The following NEMP2 variants were observed in gnomAD, a reference collection of about 807,000 sequenced individuals.
The protein encoded by NEMP2 is UPF0571 transmembrane protein.
A neutral mutation model predicts 54.2 loss-of-function variants in NEMP2; 53 were observed. The observed-to-expected ratio is 0.98, with a 90% CI of 0.78 to 1.23. NEMP2 has a LOEUF of 1.23. Ranked by LOEUF, NEMP2 falls within the 50% of genes most tolerant of loss-of-function variation. The probability of loss-of-function intolerance (pLI) is 0.00; values close to 1 mark genes in which losing one functional copy is unlikely to be tolerated. For missense variants in NEMP2, 455 were observed against 511.3 expected (o/e 0.89, Z 1.06); for synonymous variants, 197 against 190.3 (o/e 1.04, Z -0.29).
chr2:190,437,580 T>C, the NEMP2 span: 25 of 1,600,186 alleles, frequency 1.6e-5, no homozygotes, highest in African/African-American at 2.7e-5. This position sits in a 1 kb window ranked among gnomAD's most constrained non-coding sequence, Gnocchi z 5.9. Context: ...ATGCTTACGA[T>C]TGCTGCCCCT....
upstream of NEMP2, chr2:190,536,096 C>A (rs1691367792): frequency 6.6e-6 from 1 of 152,156 alleles, no homozygotes; most frequent in African/African-American, 2.4e-5. Flanking sequence ...ATCACAGATC[C>A]TTAGTAAATA....
chr2:190,434,213 G>T, the NEMP2 span, among the ~76,000 whole-genome samples: 2 of 150,210 alleles, frequency 1.3e-5, no homozygotes, highest in East Asian at 3.9e-4. This position sits in a 1 kb window ranked among gnomAD's most constrained non-coding sequence, Gnocchi z 4.3. Flanking sequence ...AAGAAAAGAA[G>T]GTGAAAGGAA....
At chr2:190,549,220 C>T in the NEMP2 span, among the ~76,000 whole-genome samples, 1 of 152,192 alleles carries the variant, frequency 6.6e-6, no homozygotes, top group African/African-American at 2.4e-5. Flanking sequence ...TGGGTTTTAT[C>T]CCTTTCAGTG....
At chr2:190,545,085 A>G in the NEMP2 span, among the ~76,000 whole-genome samples, 1 of 152,184 alleles carries the variant, frequency 6.6e-6, no homozygotes, top group Non-Finnish European at 1.5e-5. Flanking sequence ...TGGGCAACAA[A>G]TCAAGACCCT....
chr2:190,461,303 A>G, the NEMP2 span, among the ~76,000 whole-genome samples: 1 of 152,194 alleles, frequency 6.6e-6, no homozygotes, highest in East Asian at 1.9e-4. This position sits in a 1 kb window ranked among gnomAD's most constrained non-coding sequence, Gnocchi z 5.5. Context: ...ATGCACTTGG[A>G]AAAACATTCA....
the NEMP2 span, among the ~76,000 whole-genome samples, chr2:190,645,658 A>G: frequency 6.6e-6 from 1 of 152,276 alleles, no homozygotes. Flanking sequence ...AATATACAGC[A>G]GTGAATAAAA....
chr2:190,427,886 C>T, the NEMP2 span, among the ~76,000 whole-genome samples: 1 of 152,154 alleles, frequency 6.6e-6, no homozygotes, highest in Non-Finnish European at 1.5e-5. Context: ...TGCCTGCCAC[C>T]ATGCCCAGCT....
chr2:190,436,606 C>T, the NEMP2 span: 1 of 1,614,088 alleles, frequency 6.2e-7, no homozygotes, highest in Non-Finnish European at 8.5e-7. This position sits in a 1 kb window ranked among gnomAD's most constrained non-coding sequence, Gnocchi z 5.3. Flanking sequence ...CACCATATCA[C>T]CAAAAATGCG....
the NEMP2 span, among the ~76,000 whole-genome samples, chr2:190,603,311 A>C: frequency 6.6e-6 from 1 of 152,106 alleles, no homozygotes; most frequent in Non-Finnish European, 1.5e-5. Flanking sequence ...GATGCTTCTT[A>C]TTTAAAATTA....
rs1690726953 is a variant in NEMP2, at chr2:190,520,756, T to G, written c.214-1573A>C. 6.6e-6 allele frequency among the ~76,000 whole-genome samples: 1 copy of G among 152,176 alleles called. No homozygotes were observed. The highest frequency in any genetic ancestry group is 1.5e-5 in the Non-Finnish European group (1 of 68,024). On this transcript the variant is annotated intron_variant, in intron 2 of 8. Coordinates refer to ENST00000409150, the MANE Select transcript of NEMP2 (RefSeq NM_001142645.2). This position sits in a 1 kb window ranked among gnomAD's most constrained non-coding sequence, Gnocchi z 5.4. ...ATCCTGGACCTTGTCAGTACCAGAC[T>G]GCAGCCCCTCCATACATTGTGTTTC...
Position 190,534,679 on chromosome 2 carries a change from G to C in NEMP2, c.-24C>G. The C allele has an allele frequency of 1.6e-6, 2 of 1,256,362 alleles. No individual in the cohort carries two copies. The highest frequency in any genetic ancestry group is 3.0e-5 in the South Asian group (1 of 33,036). 77.8% of individuals were successfully genotyped at this position (1,256,362 alleles called of 1,614,324 possible). A position where few individuals can be genotyped will look rare whatever the true frequency, so the allele number is the denominator to read the frequency against. On this transcript the variant is annotated 5_prime_UTR_variant, in exon 1 of 9. Transcript: ENST00000409150. ...ATTTCGTTAGGGGTCAGCTCCGTGC[G>C]ACCCGAGCCCTAGGGGACCGGCTCC...
chr2:190,631,303 G>A, the NEMP2 span, among the ~76,000 whole-genome samples: 5 of 152,152 alleles, frequency 3.3e-5, no homozygotes, highest in African/African-American at 1.2e-4. Context: ...TGTGGAATGG[G>A]CCTTACAGGA....
At chr2:190,624,001 G>C in the NEMP2 span, among the ~76,000 whole-genome samples, 1 of 152,270 alleles carries the variant, frequency 6.6e-6, no homozygotes, top group Non-Finnish European at 1.5e-5. Context: ...AGAATGGGCA[G>C]AGCCAGGCAC....
chr2:190,437,104 G>A, the NEMP2 span: 1 of 1,614,118 alleles, frequency 6.2e-7, no homozygotes, highest in African/African-American at 1.3e-5. This position sits in a 1 kb window ranked among gnomAD's most constrained non-coding sequence, Gnocchi z 5.9. Context: ...CGATGGAAAG[G>A]GGTGTAAGCC....
At chr2:190,618,541 T>C in the NEMP2 span, among the ~76,000 whole-genome samples, 1 of 152,170 alleles carries the variant, frequency 6.6e-6, no homozygotes, top group Non-Finnish European at 1.5e-5. Context: ...GGATAGATGA[T>C]ATTATCTTTG....
the NEMP2 span, chr2:190,497,437 A>T: frequency 6.2e-7 from 1 of 1,612,916 alleles, no homozygotes; most frequent in Non-Finnish European, 8.5e-7. This position sits in a 1 kb window ranked among gnomAD's most constrained non-coding sequence, Gnocchi z 5.2. Flanking sequence ...TTTTCTCTCC[A>T]GACAAGACAA....
the NEMP2 span, among the ~76,000 whole-genome samples, chr2:190,640,787 ATTTTTTTTTTTTTTTTTT>A: frequency 2.5e-4 from 29 of 118,030 alleles, no homozygotes; most frequent in African/African-American, 9.0e-4. Context: ...AACACATTCA[ATTTTTTTTTTTTTTTTTT>A]TTTTTTTTTT....
the NEMP2 span, among the ~76,000 whole-genome samples, chr2:190,559,056 G>T: frequency 6.6e-6 from 1 of 152,146 alleles, no homozygotes; most frequent in African/African-American, 2.4e-5. The surrounding 1 kb of genome is among the most constrained non-coding windows in gnomAD (Gnocchi z 4.0). Flanking sequence ...ATGTAAGAAG[G>T]ATGGTAGAAG....
At chr2:190,564,102 T>C in the NEMP2 span, among the ~76,000 whole-genome samples, 1 of 152,244 alleles carries the variant, frequency 6.6e-6, no homozygotes, top group East Asian at 1.9e-4. The surrounding 1 kb of genome is among the most constrained non-coding windows in gnomAD (Gnocchi z 4.2). Flanking sequence ...TTTTTATCCT[T>C]TCAAGGAGCT....
Sources: gnomAD v4.1 joint callset for allele counts (sites outside exome capture counted in the v4.1 genomes callset) on GRCh38, gnomAD v4.1.1 for gene constraint, Gnocchi (gnomAD v3.1) non-coding constraint, MANE v1.5 for transcripts, NCBI Gene and HGNC (gene_info 2026-07-23, HGNC 2026-07-21) for gene names.